Variants in ADAMTSL1 observed in about 807,000 individuals in gnomAD.
The protein encoded by ADAMTSL1 is ADAMTS-like protein 1.
A neutral mutation model predicts 201.8 loss-of-function variants in ADAMTSL1; 126 were observed. The observed-to-expected ratio is 0.62, with a 90% CI of 0.54 to 0.72. The LOEUF (loss-of-function observed/expected upper bound fraction) is 0.72, where lower values mean the gene tolerates loss of function less well. Among genes scored for constraint, ADAMTSL1 ranks in the 30% least tolerant of loss-of-function variants. ADAMTSL1 has a pLI of 0.00. For synonymous variants in ADAMTSL1, 1,121 were observed against 903.4 expected, an observed-to-expected ratio of 1.24 and a Z score of -4.32; for missense variants, 2,679 against 2,277.8, an observed-to-expected ratio of 1.18 and a Z score of -3.59.
chr9:18,163,932 ATGAAGATTTCC>A lies in ADAMTSL1; in HGVS notation c.161_171del (p.Glu54ValfsTer2), dbSNP rs1417867610. 6.6e-6 allele frequency: 1 copy of A among 152,018 alleles called. No individual in the cohort carries two copies. Among genetic ancestry groups the A allele is most frequent in the Non-Finnish European group, 1.5e-5 (1 of 67,964 alleles). The allele number at this position is 152,018 out of a possible 1,614,324, so 9.4% of individuals were successfully genotyped here. On this transcript the variant is annotated frameshift_variant, in exon 2 of 30. Coordinates refer to the ADAMTSL1 transcript ENST00000680146. LOFTEE classifies it high-confidence loss of function. ...ACACTGATTCGAAGAGAGAGCCTCC[ATGAAGATTTCC>A]TGTCTGACCTCTTGAATAGTCACAA...
rs1443838669 is a variant in ADAMTSL1 at position 18,551,934 on chromosome 9, G to T, written c.237+18642G>T. Among the ~76,000 whole-genome samples the T allele has an allele frequency of 2.0e-5, 3 of 151,696 alleles. No individual in the cohort carries two copies. In the East Asian group the frequency reaches 5.8e-4, roughly 29 times the overall value. On this transcript the variant is annotated intron_variant, in intron 3 of 28. Coordinates refer to ENST00000380548, the MANE Select transcript of ADAMTSL1 (RefSeq NM_001040272.6). ...TTTCTCTTCAACTCTGGCTGTATCT[G>T]CATCTGTCTCCCTATTTGCATCTCT...
At chr9:18,649,034 G>A (rs13291036) in intron 7 of ADAMTSL1, among the ~76,000 whole-genome samples, 18,043 of 151,342 alleles carry the variant, frequency 0.12, 1,143 homozygotes, top group Non-Finnish European at 0.16. Flanking sequence ...CCAATCAGAC[G>A]CAGATTTGGT....
chr9:18,889,497 G>A, intron 24 of ADAMTSL1, 71 bp from the exon 25 acceptor site: 1 of 1,532,534 alleles, frequency 6.5e-7, no homozygotes, highest in South Asian at 1.2e-5. Context: ...TCCCTGCCCT[G>A]CTCAGAAGGA....
At chr9:18,593,758 T>G (rs1824076480) in intron 4 of ADAMTSL1, among the ~76,000 whole-genome samples, 1 of 152,002 alleles carries the variant, frequency 6.6e-6, no homozygotes, top group African/African-American at 2.4e-5. Flanking sequence ...TATTCCATTG[T>G]GTTCAGAGAA....
At chr9:18,487,462 G>A (rs1247753983) in intron 1 of ADAMTSL1, among the ~76,000 whole-genome samples, 1 of 152,076 alleles carries the variant, frequency 6.6e-6, no homozygotes, top group East Asian at 1.9e-4. Flanking sequence ...TTCTAATTTT[G>A]GACGATTACC....
At chr9:18,593,309 C>T (rs949394203) in intron 4 of ADAMTSL1, among the ~76,000 whole-genome samples, 3 of 152,054 alleles carry the variant, frequency 2.0e-5, no homozygotes, top group African/African-American at 7.2e-5. Flanking sequence ...TAAAGGAAAG[C>T]TTTCAGTTTT....
chr9:18,601,018 G>A (rs1450294923), intron 4 of ADAMTSL1, among the ~76,000 whole-genome samples: 2 of 151,858 alleles, frequency 1.3e-5, no homozygotes, highest in African/African-American at 4.8e-5. Context: ...TCCTTCACTT[G>A]TGTTTCTTTT....
intron 2 of ADAMTSL1, among the ~76,000 whole-genome samples, chr9:18,180,532 CAAAAAAAA>C (rs71333030): frequency 5.4e-5 from 5 of 92,132 alleles, no homozygotes; most frequent in Non-Finnish European, 7.8e-5. Flanking sequence ...GACTCCGTGT[CAAAAAAAA>C]AAAAAAAAAA....
chr9:18,486,187 C>T lies in ADAMTSL1; in HGVS notation c.63+11892C>T, dbSNP rs544304990. Among the ~76,000 whole-genome samples the T allele has an allele frequency of 3.3e-5, 5 of 152,238 alleles. No individual in the cohort carries two copies. In the East Asian group the frequency reaches 9.7e-4, roughly 29 times the overall value. On this transcript the variant is annotated intron_variant, in intron 1 of 28. Coordinates refer to ENST00000380548, the MANE Select transcript of ADAMTSL1 (RefSeq NM_001040272.6). ...AGTTAGTAATTTTATTCAAGGCCTC[C>T]CAGTTAAAATTTTTGACCTACAGTT...
intron 7 of ADAMTSL1, among the ~76,000 whole-genome samples, chr9:18,644,544 C>G (rs1471221105): frequency 6.6e-6 from 1 of 151,556 alleles, no homozygotes; most frequent in Non-Finnish European, 1.5e-5. Flanking sequence ...CCCCTACCCC[C>G]ACCCCACAAC....
intron 1 of ADAMTSL1, among the ~76,000 whole-genome samples, chr9:17,981,957 C>G (rs1419239331): frequency 6.6e-6 from 1 of 152,148 alleles, no homozygotes; most frequent in East Asian, 1.9e-4. Context: ...GGTCAAGCAA[C>G]AAAATCTCAA....
chr9:18,669,196 G>C (rs1829656954), intron 9 of ADAMTSL1, among the ~76,000 whole-genome samples: 1 of 152,224 alleles, frequency 6.6e-6, no homozygotes, highest in Non-Finnish European at 1.5e-5. Context: ...GGTTAGGCAA[G>C]CCTCTTTCAT....
intron 5 of ADAMTSL1, among the ~76,000 whole-genome samples, chr9:18,630,531 A>G (rs1021323402): frequency 6.6e-6 from 1 of 152,088 alleles, no homozygotes; most frequent in Non-Finnish European, 1.5e-5. Flanking sequence ...TGTCTACTCA[A>G]TTCAGGGAAT....
chr9:18,760,016 C>T (rs10963747), intron 16 of ADAMTSL1, among the ~76,000 whole-genome samples: 7,189 of 152,196 alleles, frequency 0.047, 215 homozygotes, highest in African/African-American at 0.08. Context: ...CTTTGGGCTC[C>T]CTCAGTCTCA....
intron 1 of ADAMTSL1, among the ~76,000 whole-genome samples, chr9:17,929,188 C>T (rs1826676707): frequency 2.0e-5 from 3 of 152,138 alleles, no homozygotes; most frequent in African/African-American, 7.2e-5. Context: ...TTTTGAGAAA[C>T]AGAAATTGTA....
At chr9:18,299,107 C>T (rs559255118) in intron 2 of ADAMTSL1, among the ~76,000 whole-genome samples, 3 of 152,128 alleles carry the variant, frequency 2.0e-5, no homozygotes, top group South Asian at 2.1e-4. Context: ...AGCTGTGTGA[C>T]ATAAGTACCG....
intron 1 of ADAMTSL1, among the ~76,000 whole-genome samples, chr9:17,982,663 T>A (rs1277598141): frequency 6.6e-6 from 1 of 152,082 alleles, no homozygotes; most frequent in East Asian, 1.9e-4. Context: ...CAGGATATAG[T>A]CCAGCAAACT....
At chr9:18,266,732 C>G (rs1306491522) in intron 2 of ADAMTSL1, among the ~76,000 whole-genome samples, 1 of 152,112 alleles carries the variant, frequency 6.6e-6, no homozygotes, top group Non-Finnish European at 1.5e-5. Flanking sequence ...CCCCATTGGA[C>G]AAGACTCAGT....
intron 1 of ADAMTSL1, among the ~76,000 whole-genome samples, chr9:18,501,611 A>G (rs1292530627): frequency 6.6e-6 from 1 of 152,222 alleles, no homozygotes; most frequent in African/African-American, 2.4e-5. Context: ...AAACTGCAAT[A>G]AACAAATACT....
Sources: gnomAD v4.1 joint callset for allele counts (sites outside exome capture counted in the v4.1 genomes callset) on GRCh38, gnomAD v4.1.1 for gene constraint, MANE v1.5 for transcripts, NCBI Gene and HGNC (gene_info 2026-07-23, HGNC 2026-07-21) for gene names.